GABRG2: variants seen among roughly 807,000 people sequenced by gnomAD.
GABRG2 encodes gamma-aminobutyric acid receptor subunit gamma-2.
In GABRG2, 16 loss-of-function variants were observed where a neutral mutation model predicts 56.4. The observed-to-expected ratio is 0.28, with a 90% confidence interval of 0.19 to 0.43. The LOEUF (loss-of-function observed/expected upper bound fraction) is 0.43, where lower values mean the gene tolerates loss of function less well. Ranked by LOEUF, GABRG2 falls within the 20% of genes least tolerant of loss-of-function variation. The probability of loss-of-function intolerance (pLI) is 1.00; values close to 1 mark genes in which losing one functional copy is unlikely to be tolerated. For missense variants in GABRG2, 327 were observed against 582.7 expected (o/e 0.56, Z 4.52); for synonymous variants, 208 against 205.5 (o/e 1.01, Z -0.10).
At chr5:162,127,399 T>C (rs766349) in intron 6 of GABRG2, among the ~76,000 whole-genome samples, 17,454 of 151,992 alleles carry the variant, frequency 0.11, 1,061 homozygotes, top group Non-Finnish European at 0.14. Context: ...TAATCACCTA[T>C]ATGGTATGCT....
chr5:162,091,245 T>C (rs980721691), intron 1 of GABRG2, among the ~76,000 whole-genome samples: 16 of 151,940 alleles, frequency 1.1e-4, no homozygotes, highest in African/African-American at 3.9e-4. Context: ...TTGAAGCTGG[T>C]GTTATAAATC....
Position 162,153,487 on chromosome 5 carries a change from G to A in GABRG2, c.*119G>A, listed in dbSNP as rs1168516188. ...GATAATGATCTGAATCTGTTTCTAT[G>A]TCCAAACCTGGTAAATTTTATAATG... On this transcript the variant is annotated 3_prime_UTR_variant, in exon 10 of 10. Transcript: ENST00000639213. 2.4e-6 allele frequency: 3 copies of A among 1,232,126 alleles called. No individual in the cohort carries two copies. The allele number at this position is 1,232,126 out of a possible 1,614,324, so 76.3% of individuals were successfully genotyped here.
At chr5:162,129,492 AT>A (rs1481057061) in intron 6 of GABRG2, among the ~76,000 whole-genome samples, 1 of 152,008 alleles carries the variant, frequency 6.6e-6, no homozygotes, top group Non-Finnish European at 1.5e-5. Context: ...GAAAAAAAAA[AT>A]GATAGTAACA....
chr5:162,112,943 T>A (rs1762356297), intron 6 of GABRG2, among the ~76,000 whole-genome samples: 1 of 152,098 alleles, frequency 6.6e-6, no homozygotes, highest in Non-Finnish European at 1.5e-5. Flanking sequence ...TTTTATTTTT[T>A]ATTTTATTTT....
intron 1 of GABRG2, among the ~76,000 whole-genome samples, chr5:162,088,558 G>A (rs1760310557): frequency 6.6e-6 from 1 of 152,038 alleles, no homozygotes; most frequent in African/African-American, 2.4e-5. Context: ...TATTAACCTT[G>A]TGCTAAAGGC....
chr5:162,142,377 T>TA, intron 7 of GABRG2, 61 bp downstream of exon 7: 1 of 1,530,692 alleles, frequency 6.5e-7, no homozygotes, highest in Admixed American at 1.7e-5. Context: ...AAGTAATTTT[T>TA]ATGTCCATTT....
intron 7 of GABRG2, among the ~76,000 whole-genome samples, chr5:162,143,260 A>G (rs1261036958): frequency 6.6e-6 from 1 of 152,170 alleles, no homozygotes; most frequent in Non-Finnish European, 1.5e-5. Flanking sequence ...GCTATTCCCC[A>G]CGAGTAATTA....
chr5:162,117,938 T>C (rs1168128105), intron 6 of GABRG2, among the ~76,000 whole-genome samples: 1 of 152,118 alleles, frequency 6.6e-6, no homozygotes, highest in East Asian at 1.9e-4. Context: ...GCATTTCACA[T>C]ATGAAAGACA....
intron 1 of GABRG2, among the ~76,000 whole-genome samples, chr5:162,092,600 T>C (rs1202833580): frequency 6.6e-6 from 1 of 152,152 alleles, no homozygotes; most frequent in Non-Finnish European, 1.5e-5. Flanking sequence ...CACAGGTATG[T>C]ATATTTAACT....
chr5:162,106,981 T>A (rs1761882508), intron 6 of GABRG2, among the ~76,000 whole-genome samples: 1 of 152,134 alleles, frequency 6.6e-6, no homozygotes, highest in Non-Finnish European at 1.5e-5. Flanking sequence ...TCTTAGTTAT[T>A]TTTCCTGATC....
At chr5:162,109,389 A>ATATATATATATATAT (rs1554098562) in intron 6 of GABRG2, among the ~76,000 whole-genome samples, 79 of 116,224 alleles carry the variant, frequency 6.8e-4, no homozygotes, top group African/African-American at 2.5e-3. Flanking sequence ...CTTAAAGTAT[A>ATATATATATATATAT]ATATATATAT....
intron 1 of GABRG2, among the ~76,000 whole-genome samples, chr5:162,082,910 T>C (rs890690495): frequency 6.6e-6 from 1 of 151,648 alleles, no homozygotes; most frequent in Non-Finnish European, 1.5e-5. Context: ...GAAAACTTAG[T>C]AGTAGTCTTC....
At chr5:162,131,104 A>T (rs1763723212) in intron 6 of GABRG2, among the ~76,000 whole-genome samples, 1 of 152,002 alleles carries the variant, frequency 6.6e-6, no homozygotes, top group Admixed American at 6.6e-5. Flanking sequence ...ATACTTCTAA[A>T]AGGGTGTATA....
chr5:162,082,618 G>A (rs1759755278), intron 1 of GABRG2, among the ~76,000 whole-genome samples: 2 of 151,546 alleles, frequency 1.3e-5, no homozygotes, highest in Admixed American at 6.6e-5. Flanking sequence ...ATAATTCTAA[G>A]TGCTAAGAAT....
intron 6 of GABRG2, among the ~76,000 whole-genome samples, chr5:162,125,686 G>A (rs1170426442): frequency 6.6e-6 from 1 of 151,760 alleles, no homozygotes; most frequent in African/African-American, 2.4e-5. Context: ...TAATCAAAGT[G>A]GTGGTTTGTC....
At chr5:162,146,534 C>A (rs777107374) in intron 7 of GABRG2, among the ~76,000 whole-genome samples, 2 of 152,002 alleles carry the variant, frequency 1.3e-5, no homozygotes, top group African/African-American at 2.4e-5. Context: ...TTATGGATTC[C>A]TATTCTCAAA....
rs961225833 is a variant in GABRG2 at position 162,154,851 on chromosome 5, C to A, written c.*1483C>A. On this transcript the variant is annotated 3_prime_UTR_variant, in exon 10 of 10. Coordinates refer to ENST00000639213, the MANE Select transcript of GABRG2 (RefSeq NM_198904.4). ...CTGAAAAAAAAAAATGAATGACTCA[C>A]ATAGAGGTTGAGCCAATGACTGTGG... is the stretch of plus-strand genomic sequence containing the variant. 1 of 151,866 alleles carries A rather than the reference C, an allele frequency of 6.6e-6. No individual in the cohort carries two copies. Among genetic ancestry groups the A allele is most frequent in the African/African-American group, 2.4e-5 (1 of 41,370 alleles). The allele number at this position is 151,866 out of a possible 1,614,324, so 9.4% of individuals were successfully genotyped here.
At chr5:162,108,811 T>C (rs1273109088) in intron 6 of GABRG2, among the ~76,000 whole-genome samples, 1 of 152,174 alleles carries the variant, frequency 6.6e-6, no homozygotes, top group Non-Finnish European at 1.5e-5. Flanking sequence ...CTATCATTAT[T>C]ATTCCATTAA....
intron 1 of GABRG2, among the ~76,000 whole-genome samples, chr5:162,093,024 A>G (rs917718772): frequency 6.6e-6 from 1 of 152,116 alleles, no homozygotes; most frequent in Non-Finnish European, 1.5e-5. Flanking sequence ...AGTCATTCTC[A>G]GGTGGCTTCC....
Sources: gnomAD v4.1 joint callset for allele counts (sites outside exome capture counted in the v4.1 genomes callset) on GRCh38, gnomAD v4.1.1 for gene constraint, MANE v1.5 for transcripts, NCBI Gene and HGNC (gene_info 2026-07-23, HGNC 2026-07-21) for gene names.